The following SNX2 variants were observed in gnomAD, a reference collection of about 807,000 sequenced individuals.
SNX2 encodes sorting nexin-2.
Under a neutral mutation model 69.9 loss-of-function variants are expected in SNX2, and 25 were observed. That is an observed-to-expected ratio of 0.36 (90% CI 0.26 to 0.50). The LOEUF is 0.50. Among genes scored for constraint, SNX2 ranks in the 20% least tolerant of loss-of-function variants. SNX2 has a pLI of 0.97. For synonymous variants in SNX2, 229 were observed against 200.4 expected, an observed-to-expected ratio of 1.14 and a Z score of -1.20; for missense variants, 551 against 613.3, an observed-to-expected ratio of 0.90 and a Z score of 1.07.
chr5:122,815,125 G>A (rs1302261378), intron 7 of SNX2, among the ~76,000 whole-genome samples: 1 of 152,082 alleles, frequency 6.6e-6, no homozygotes. Context: ...CTTTTATGAA[G>A]TCATGATTGG....
At chr5:122,798,046 T>G (rs1217659282) in intron 2 of SNX2, among the ~76,000 whole-genome samples, 4 of 152,230 alleles carry the variant, frequency 2.6e-5, no homozygotes, top group South Asian at 2.1e-4. Flanking sequence ...ATTTTGCCTG[T>G]GAGTCTGTTG....
chr5:122,812,364 A>G (rs1753798921), intron 7 of SNX2, among the ~76,000 whole-genome samples: 1 of 131,632 alleles, frequency 7.6e-6, no homozygotes, highest in African/African-American at 3.1e-5. Context: ...CTGCTTCTCA[A>G]ACACCCTAGG....
chr5:122,783,169 T>G (rs1753014254), intron 1 of SNX2, among the ~76,000 whole-genome samples: 1 of 151,808 alleles, frequency 6.6e-6, no homozygotes, highest in South Asian at 2.1e-4. Flanking sequence ...ATGGTCTCGA[T>G]CTCTTGACCT....
In SNX2 at chr5:122,832,707, TAGAGAAGG is replaced by T. The variant is rs1212845670; in HGVS notation, c.*3061_*3068del. 1 of 152,206 alleles carries T rather than the reference TAGAGAAGG, an allele frequency of 6.6e-6. No individual in the cohort carries two copies. Among genetic ancestry groups the T allele is most frequent in the East Asian group, 1.9e-4 (1 of 5,198 alleles). 9.4% of individuals were successfully genotyped at this position (152,206 alleles called of 1,614,324 possible). A position where few individuals can be genotyped will look rare whatever the true frequency, so the allele number is the denominator to read the frequency against. On this transcript the variant is annotated 3_prime_UTR_variant, in exon 15 of 15. Transcript: ENST00000379516. ...TCTTTAAAGGAGGAAGTCAGATGAG[TAGAGAAGG>T]AAAGTTATATTCCTTTACAAATGCT...
rs780065008 is a variant in SNX2 at position 122,802,050 on chromosome 5, T to G, written c.458-31T>G. ...ATGAGTTTTATTTTTATGCATGTGATTTTAATAGTAGTGTTTGACTTTTTT... is the reference window on the plus strand; with the variant it reads ...ATGAGTTTTATTTTTATGCATGTGAGTTTAATAGTAGTGTTTGACTTTTTT... On this transcript the variant is annotated intron_variant, in intron 4 of 14. Transcript: ENST00000379516. 4 of 1,599,916 alleles carry G rather than the reference T, an allele frequency of 2.5e-6. No individual in the cohort carries two copies. In the Admixed American group the frequency reaches 6.7e-5, roughly 27 times the overall value.
At chr5:122,786,819 G>A (rs1047848429) in intron 1 of SNX2, among the ~76,000 whole-genome samples, 2 of 152,052 alleles carry the variant, frequency 1.3e-5, no homozygotes, top group South Asian at 4.1e-4. Flanking sequence ...AACTTTTAGT[G>A]TCAGTCTGTT....
At position 122,775,084 on chromosome 5, in the gene SNX2, A is replaced by G. The variant is rs1581618713; in HGVS notation, c.-20A>G. Reference sequence around the variant, plus strand: ...CGGGTCCGCGAGGCCCAGCTCGCGCAGTCGTTCGGGTGAGCGAAGATGGCG... The same window carrying G: ...CGGGTCCGCGAGGCCCAGCTCGCGCGGTCGTTCGGGTGAGCGAAGATGGCG... On this transcript the variant is annotated 5_prime_UTR_variant, in exon 1 of 15. Transcript: ENST00000379516. 4 of 1,569,590 alleles carry G rather than the reference A, an allele frequency of 2.5e-6. No homozygotes were observed. In the East Asian group the frequency reaches 6.9e-5, roughly 27 times the overall value.
At chr5:122,801,960 G>T (rs765862525) in intron 4 of SNX2, 25 bp downstream of exon 4, 1 of 1,560,952 alleles carries the variant, frequency 6.4e-7, no homozygotes, top group East Asian at 2.2e-5. Flanking sequence ...ATTATATTTT[G>T]TATTTACTTT....
rs1561456741 is a variant in SNX2, at chr5:122,801,886, T to TGGA, written c.410_412dup (p.Gly137dup). 6.3e-7 allele frequency: 1 copy of TGGA among 1,598,484 alleles called. No homozygotes were observed. Among genetic ancestry groups the TGGA allele is most frequent in the Non-Finnish European group, 8.6e-7 (1 of 1,168,864 alleles). ...CTTTCTAGATTGAAGAAGAAGCAAA[T>TGGA]GGAGACATTTTTGACATAGAAATTG... is the stretch of plus-strand genomic sequence containing the variant. On this transcript the variant is annotated inframe_insertion, in exon 4 of 15. Transcript: ENST00000379516.
intron 6 of SNX2, among the ~76,000 whole-genome samples, chr5:122,807,346 A>G (rs1490536444): frequency 1.3e-5 from 2 of 152,150 alleles, no homozygotes; most frequent in African/African-American, 4.8e-5. Context: ...CAATTTTAGA[A>G]TATTTTTATT....
chr5:122,791,620 T>G (rs1753241314), intron 1 of SNX2, among the ~76,000 whole-genome samples: 1 of 152,158 alleles, frequency 6.6e-6, no homozygotes, highest in Non-Finnish European at 1.5e-5. Context: ...TTTTTCCATG[T>G]TGGTCAGGCT....
At position 122,833,622 on chromosome 5, in the gene SNX2, T is replaced by C. The variant is rs574190161; in HGVS notation, c.*3974T>C. ...CTAGTGGCTATGATAATGGACAGCA[T>C]AGGTTTAGACAATGCCTATTCAACT... On this transcript the variant is annotated 3_prime_UTR_variant, in exon 15 of 15. Transcript: ENST00000379516. The C allele has an allele frequency of 1.2e-4, 19 of 152,354 alleles. No homozygotes were observed. Among genetic ancestry groups the C allele is most frequent in the African/African-American group, 4.6e-4 (19 of 41,590 alleles). The allele number at this position is 152,354 out of a possible 1,614,324, so 9.4% of individuals were successfully genotyped here.
chr5:122,825,014 C>G (rs1055141236), intron 11 of SNX2, among the ~76,000 whole-genome samples: 5 of 152,098 alleles, frequency 3.3e-5, no homozygotes, highest in Non-Finnish European at 7.4e-5. Context: ...GGTGACAAAA[C>G]TAATATTAGA....
chr5:122,802,854 G>A (rs1753546865), intron 5 of SNX2, among the ~76,000 whole-genome samples: 1 of 152,152 alleles, frequency 6.6e-6, no homozygotes. Flanking sequence ...GACAGGACTT[G>A]GATGTAATGG....
chr5:122,791,080 C>G (rs1469126937), intron 1 of SNX2, among the ~76,000 whole-genome samples: 4 of 149,182 alleles, frequency 2.7e-5, no homozygotes, highest in Non-Finnish European at 1.5e-5. Context: ...TGGAGCCACT[C>G]TGCCATATTT....
In SNX2 at chr5:122,816,907, A is replaced by G. The variant is rs775964777; in HGVS notation, c.799-8A>G. 1 of 1,584,080 alleles carries G rather than the reference A, an allele frequency of 6.3e-7. No individual in the cohort carries two copies. The highest frequency in any genetic ancestry group is 8.7e-7 in the Non-Finnish European group (1 of 1,155,498). On this transcript the variant is annotated splice_polypyrimidine_tract_variant and splice_region_variant and intron_variant, in intron 8 of 14. Transcript: ENST00000379516. ...GTTTGTTTGCCCTTATTTGTCATTC[A>G]ATTCCAGCTGCCTAGAGCAGTTAAT...
In SNX2 at chr5:122,795,079, A is replaced by G. The variant is rs141921726; in HGVS notation, c.109-187A>G. Among the ~76,000 whole-genome samples the G allele has an allele frequency of 1.5e-3, 230 of 152,326 alleles. 2 individuals carry two copies. The highest frequency in any genetic ancestry group is 5.2e-3 in the African/African-American group (217 of 41,580). ...TTAAATCTTAAGTGACTTTTTGTTA[A>G]GAAAGATGATGAGTTAAAAGTGTGT... On this transcript the variant is annotated intron_variant, in intron 1 of 14. Transcript: ENST00000379516.
intron 6 of SNX2, among the ~76,000 whole-genome samples, chr5:122,807,040 C>A (rs1434530495): frequency 6.6e-6 from 1 of 152,032 alleles, no homozygotes; most frequent in Non-Finnish European, 1.5e-5. Context: ...AATCCTAGCA[C>A]TTTGGGAGGC....
At chr5:122,798,164 T>G (rs981940931) in intron 2 of SNX2, among the ~76,000 whole-genome samples, 1 of 151,680 alleles carries the variant, frequency 6.6e-6, no homozygotes, top group Admixed American at 6.6e-5. Context: ...ATATACTGCT[T>G]TTTTTTTACT....
Sources: gnomAD v4.1 joint callset for allele counts (sites outside exome capture counted in the v4.1 genomes callset) on GRCh38, gnomAD v4.1.1 for gene constraint, MANE v1.5 for transcripts, NCBI Gene and HGNC (gene_info 2026-07-23, HGNC 2026-07-21) for gene names.